DLGAP2: variants seen among roughly 807,000 people sequenced by gnomAD.
The protein encoded by DLGAP2 is DLG associated protein 2.
DLGAP2 carries 26 observed loss-of-function variants against 100.3 expected under a neutral mutation model. The ratio of observed to expected loss-of-function variants is 0.26; its 90% CI spans 0.19 to 0.36. DLGAP2 has a LOEUF of 0.36. DLGAP2 is among the 10% of genes least tolerant of loss of function. DLGAP2 has a pLI of 1.00. For synonymous variants in DLGAP2, 886 were observed against 630.1 expected (o/e 1.41, Z -6.08); for missense variants, 1,858 against 1,453.2 (o/e 1.28, Z -4.53).
At chr8:1,426,246 T>A (rs1394790560) in intron 3 of DLGAP2, among the ~76,000 whole-genome samples, 2 of 152,006 alleles carry the variant, frequency 1.3e-5, no homozygotes, top group Admixed American at 6.6e-5. Context: ...CAGATGTAAG[T>A]TAAGAACAGA....
At chr8:1,208,617 G>A (rs956571987) in intron 2 of DLGAP2, among the ~76,000 whole-genome samples, 2 of 99,626 alleles carry the variant, frequency 2.0e-5, no homozygotes, top group African/African-American at 7.4e-5. Flanking sequence ...AGTACTAGAA[G>A]TCCTAGCCAG....
chr8:1,512,894 C>T (rs1158121884), intron 4 of DLGAP2, among the ~76,000 whole-genome samples: 2 of 152,256 alleles, frequency 1.3e-5, no homozygotes, highest in Non-Finnish European at 2.9e-5. Context: ...GTCATGGTCG[C>T]ACCGCCACCC....
intron 3 of DLGAP2, chr8:1,301,400 G>T (rs993482773): frequency 6.6e-6 from 1 of 152,064 alleles, no homozygotes; most frequent in African/African-American, 2.4e-5. Flanking sequence ...GCTCTCAACA[G>T]CAACTGATGG....
At chr8:1,505,622 T>C (rs982068586) in intron 4 of DLGAP2, among the ~76,000 whole-genome samples, 2 of 152,242 alleles carry the variant, frequency 1.3e-5, no homozygotes, top group Admixed American at 1.3e-4. Flanking sequence ...AAGGAAGTTT[T>C]CCATAAAATT....
At chr8:906,336 T>C (rs959674424) in intron 1 of DLGAP2, among the ~76,000 whole-genome samples, 1 of 152,182 alleles carries the variant, frequency 6.6e-6, no homozygotes. Flanking sequence ...GATCTCCACG[T>C]GGGGTGTGGA....
intron 2 of DLGAP2, among the ~76,000 whole-genome samples, chr8:1,169,420 A>C (rs1460524873): frequency 6.6e-6 from 1 of 152,152 alleles, no homozygotes; most frequent in Non-Finnish European, 1.5e-5. Context: ...TCTGTGAAGA[A>C]AGTCATTGGT....
intron 2 of DLGAP2, among the ~76,000 whole-genome samples, chr8:1,216,176 G>T (rs535701667): frequency 6.6e-6 from 1 of 152,310 alleles, no homozygotes; most frequent in East Asian, 1.9e-4. Flanking sequence ...ACATCTGCAG[G>T]GGACTAATAG....
intron 1 of DLGAP2, chr8:739,865 A>T (rs1044088886): frequency 6.6e-6 from 1 of 152,252 alleles, no homozygotes; most frequent in Non-Finnish European, 1.5e-5. Flanking sequence ...GTCCAAGCAC[A>T]TCTGGGCGGG....
chr8:1,311,303 A>G (rs1800608691), intron 3 of DLGAP2, among the ~76,000 whole-genome samples: 1 of 152,250 alleles, frequency 6.6e-6, no homozygotes, highest in Non-Finnish European at 1.5e-5. Flanking sequence ...ATCCTTGGAA[A>G]GAAATATCCA....
intron 8 of DLGAP2, among the ~76,000 whole-genome samples, chr8:1,633,394 T>C (rs1261836612): frequency 1.3e-5 from 2 of 152,192 alleles, no homozygotes; most frequent in Non-Finnish European, 2.9e-5. Flanking sequence ...GTGAGATTTC[T>C]GCTGATGCGC....
chr8:1,422,143 C>G (rs76372854), intron 3 of DLGAP2, among the ~76,000 whole-genome samples: 1 of 152,136 alleles, frequency 6.6e-6, no homozygotes, highest in Admixed American at 6.5e-5. Flanking sequence ...CCCCGTTTCA[C>G]GGACCACATG....
intron 6 of DLGAP2, among the ~76,000 whole-genome samples, chr8:1,609,454 C>T (rs1796925072): frequency 7.3e-6 from 1 of 137,542 alleles, no homozygotes; most frequent in African/African-American, 2.5e-5. Flanking sequence ...ATGTAAAGAC[C>T]ATCGAGACTA....
intron 6 of DLGAP2, among the ~76,000 whole-genome samples, chr8:1,605,262 C>T (rs973329195): frequency 3.9e-5 from 6 of 152,180 alleles, no homozygotes; most frequent in African/African-American, 1.2e-4. Flanking sequence ...GTGTTCTGGA[C>T]ACAGCTCCCT....
chr8:1,374,329 A>C (rs1264580284), intron 3 of DLGAP2, among the ~76,000 whole-genome samples: 8 of 151,838 alleles, frequency 5.3e-5, no homozygotes, highest in Non-Finnish European at 1.2e-4. Context: ...GGTCCCATGC[A>C]GCCCGCAAAA....
intron 2 of DLGAP2, among the ~76,000 whole-genome samples, chr8:1,116,350 C>T (rs551753216): frequency 7.5e-4 from 114 of 152,274 alleles, no homozygotes; most frequent in Non-Finnish European, 1.3e-3. Context: ...GCGGTTGATG[C>T]CCGGAAGACT....
intron 2 of DLGAP2, among the ~76,000 whole-genome samples, chr8:1,140,600 C>A (rs1330216740): frequency 6.6e-6 from 1 of 152,148 alleles, no homozygotes. Flanking sequence ...CCTGACCCTC[C>A]CTTCCCTCAC....
chr8:1,201,769 C>G (rs889146075), intron 2 of DLGAP2, among the ~76,000 whole-genome samples: 1 of 152,196 alleles, frequency 6.6e-6, no homozygotes, highest in Admixed American at 6.5e-5. Context: ...TCCCTCATCA[C>G]CAGGCAGCAT....
chr8:1,565,560 T>C, intron 5 of DLGAP2, 123 bp from the exon 6 acceptor site: 1 of 743,880 alleles, frequency 1.3e-6, no homozygotes, highest in Non-Finnish European at 2.2e-6. Context: ...TGACTTTAAC[T>C]GATAAATGAC....
At chr8:1,284,857 G>A (rs968330167) in intron 3 of DLGAP2, among the ~76,000 whole-genome samples, 3 of 152,292 alleles carry the variant, frequency 2.0e-5, no homozygotes, top group South Asian at 2.1e-4. Context: ...ACCTCAAAGT[G>A]CTGGGATTAC....
Sources: allele counts gnomAD v4.1 joint callset (sites outside exome capture counted in the v4.1 genomes callset), GRCh38; gene constraint gnomAD v4.1.1; transcripts MANE v1.5; gene names NCBI Gene and HGNC (gene_info 2026-07-23, HGNC 2026-07-21).